Variants in ABCC1 observed in about 807,000 individuals in gnomAD.
ABCC1 encodes the protein ATP binding cassette subfamily C member 1 (ABCC1 blood group), also known as multidrug resistance-associated protein 1.
In ABCC1, 83 loss-of-function variants were observed where a neutral mutation model predicts 172.9. The observed-to-expected ratio is 0.48, with a 90% confidence interval of 0.40 to 0.58. The LOEUF is 0.58. ABCC1 is among the 20% of genes least tolerant of loss of function. ABCC1 has a pLI of 0.00. For synonymous variants in ABCC1, 937 were observed against 825.2 expected (o/e 1.14, Z -2.32); for missense variants, 1,817 against 2,002.7 (o/e 0.91, Z 1.77).
intron 22 of ABCC1, among the ~76,000 whole-genome samples, chr16:16,111,984 C>G (rs1393732734): frequency 3.9e-5 from 6 of 152,200 alleles, no homozygotes; most frequent in African/African-American, 7.2e-5. Context: ...TAGTAATTCC[C>G]AATTATGGGC....
chr16:16,064,563 G>A (rs552685788), intron 12 of ABCC1, among the ~76,000 whole-genome samples: 64 of 152,196 alleles, frequency 4.2e-4, no homozygotes, highest in Non-Finnish European at 8.4e-4. Context: ...GCCAGCAGCC[G>A]GCATCGATTG....
intron 26 of ABCC1, 76 bp downstream of exon 26, chr16:16,125,987 T>G: frequency 9.5e-7 from 1 of 1,048,332 alleles, no homozygotes; most frequent in Non-Finnish European, 1.4e-6. Flanking sequence ...GACCCTATCC[T>G]GTGCACCTCT....
At chr16:16,112,888 G>T (rs1243674312) in intron 22 of ABCC1, among the ~76,000 whole-genome samples, 1 of 152,196 alleles carries the variant, frequency 6.6e-6, no homozygotes, top group African/African-American at 2.4e-5. Flanking sequence ...GAAACTGAGA[G>T]ATTCAGTGAC....
chr16:16,070,402 T>C (rs532050705), intron 13 of ABCC1, among the ~76,000 whole-genome samples: 19 of 149,362 alleles, frequency 1.3e-4, no homozygotes, highest in South Asian at 4.3e-4. Context: ...CAGTGGCTCA[T>C]GCCTGTAATC....
intron 5 of ABCC1, among the ~76,000 whole-genome samples, chr16:16,021,389 A>G (rs1192029160): frequency 1.3e-5 from 2 of 151,858 alleles, no homozygotes; most frequent in Non-Finnish European, 2.9e-5. Context: ...AACCATTTTA[A>G]GTATGCAATT....
intron 27 of ABCC1, among the ~76,000 whole-genome samples, chr16:16,132,525 T>G (rs925347583): frequency 3.8e-5 from 5 of 132,410 alleles, no homozygotes; most frequent in African/African-American, 1.4e-4. Context: ...TTTTTTTTTT[T>G]TTTTTTTTTT....
rs1268103957 is a variant in ABCC1, at chr16:16,052,707, C to T, written c.1381-17C>T. Reference sequence around the variant, plus strand: ...TTCTGTCTGGTGAGTGATGAAGAGTCTCCTTTCCTTCCTTAGAATCTGGGC... The same window carrying T: ...TTCTGTCTGGTGAGTGATGAAGAGTTTCCTTTCCTTCCTTAGAATCTGGGC... On this transcript the variant is annotated splice_polypyrimidine_tract_variant and intron_variant, in intron 10 of 30. Transcript: ENST00000399410. The T allele has an allele frequency of 6.2e-7, 1 of 1,612,938 alleles. No individual in the cohort carries two copies. Among genetic ancestry groups the T allele is most frequent in the East Asian group, 2.2e-5 (1 of 44,864 alleles).
At chr16:16,084,007 T>C (rs1335035551) in intron 17 of ABCC1, among the ~76,000 whole-genome samples, 2 of 152,222 alleles carry the variant, frequency 1.3e-5, no homozygotes, top group Non-Finnish European at 2.9e-5. Flanking sequence ...ATGATTCATA[T>C]GTTCACAGTC....
At chr16:15,980,989 C>T (rs917434148) in intron 1 of ABCC1, among the ~76,000 whole-genome samples, 1 of 152,178 alleles carries the variant, frequency 6.6e-6, no homozygotes, top group Admixed American at 6.5e-5. Flanking sequence ...GAAGGGGCTG[C>T]AGGCCCCATG....
chr16:16,092,131 G>A lies in ABCC1; in HGVS notation c.2644+1543G>A, dbSNP rs147708905. 9.2e-5 allele frequency among the ~76,000 whole-genome samples: 14 copies of A among 152,296 alleles called. No homozygotes were observed. In the East Asian group the frequency reaches 2.5e-3, roughly 27 times the overall value. ...CGCACGCCTATAGGCCCAGCTACTG[G>A]GGAGGCTGAGGCAGGAGAATAGTTT... On this transcript the variant is annotated intron_variant, in intron 19 of 30. Transcript: ENST00000399410.
chr16:16,106,653 C>T lies in ABCC1; in HGVS notation c.2736-85C>T. ...TCCGTCTCTTATGCCATGGTTCAGA[C>T]CCACAATAGCAGTCCCAGCAGGGAG... On this transcript the variant is annotated intron_variant, in intron 20 of 30. Transcript: ENST00000399410. The T allele has an allele frequency of 1.9e-6, 3 of 1,562,454 alleles. No individual in the cohort carries two copies. The South Asian group carries it at 3.4e-5, about 18-fold the overall frequency.
chr16:16,105,695 A>ATTTCTTTTCT (rs757391655), intron 20 of ABCC1, among the ~76,000 whole-genome samples: 1 of 147,928 alleles, frequency 6.8e-6, no homozygotes, highest in South Asian at 2.1e-4. Flanking sequence ...GGTCTCCATA[A>ATTTCTTTTCT]TTTCTTTTCT....
chr16:16,142,480 T>G lies in ABCC1; in HGVS notation c.*1199T>G, dbSNP rs1328829266. The stretch of plus-strand genomic sequence containing the variant: ...CTTGAGTCTTTTCCTTGTTTTTAGA[T>G]GTTAATTCTCTCCCTTGGCATCCGG... On this transcript the variant is annotated 3_prime_UTR_variant, in exon 31 of 31. Transcript: ENST00000399410. 1.3e-5 allele frequency: 2 copies of G among 152,228 alleles called. No individual in the cohort carries two copies. The highest frequency in any genetic ancestry group is 1.5e-5 in the Non-Finnish European group (1 of 68,048). The allele number at this position is 152,228 out of a possible 1,614,324, so 9.4% of individuals were successfully genotyped here.
In ABCC1 at chr16:15,979,034, C is replaced by T. The variant is rs45508193; in HGVS notation, c.49-28782C>T. ...TTGGCCAGGCGTGGTGGCTCACACC[C>T]GTAGTCCCAGCACTTCGGGGGGCCC... On this transcript the variant is annotated intron_variant, in intron 1 of 30. Coordinates refer to ENST00000399410, the MANE Select transcript of ABCC1 (RefSeq NM_004996.4). Among the ~76,000 whole-genome samples the T allele has an allele frequency of 2.0e-4, 30 of 152,130 alleles. 1 individual carries two copies. The highest frequency in any genetic ancestry group is 5.2e-4 in the Admixed American group (8 of 15,302).
In ABCC1 at chr16:15,979,223, G is replaced by A. The variant is rs8062912; in HGVS notation, c.49-28593G>A. ...GGAAAATCACTTTAACCTGGGAGGC[G>A]GAGGTTGCAGTGAGCTGAGATTGCA... is the stretch of plus-strand genomic sequence containing the variant. On this transcript the variant is annotated intron_variant, in intron 1 of 30. Coordinates refer to ENST00000399410, the MANE Select transcript of ABCC1 (RefSeq NM_004996.4). Among the ~76,000 whole-genome samples the A allele has an allele frequency of 3.2e-3, 487 of 152,062 alleles. 6 individuals carry two copies. The highest frequency in any genetic ancestry group is 0.011 in the African/African-American group (471 of 41,460).
chr16:16,076,542 C>A, intron 15 of ABCC1, 141 bp downstream of exon 15: 1 of 762,930 alleles, frequency 1.3e-6, no homozygotes, highest in East Asian at 2.9e-5. Flanking sequence ...GCTTACCCAT[C>A]TGGACAATGG....
chr16:16,068,342 TG>T, intron 13 of ABCC1, 40 bp downstream of exon 13: 2 of 1,608,834 alleles, frequency 1.2e-6, no homozygotes, highest in Non-Finnish European at 8.5e-7. Context: ...GAGGGGGCCT[TG>T]GGGTTCTAGG....
At chr16:16,053,357 G>T (rs1021162559) in intron 11 of ABCC1, among the ~76,000 whole-genome samples, 47 of 152,178 alleles carry the variant, frequency 3.1e-4, no homozygotes, top group African/African-American at 1.1e-3. Flanking sequence ...GGGCTTAAGT[G>T]ATCCTGTTGC....
intron 1 of ABCC1, among the ~76,000 whole-genome samples, chr16:16,006,842 CGTGGTGGTGGCG>C (rs1215411659): frequency 1.2e-5 from 1 of 83,010 alleles, no homozygotes; most frequent in African/African-American, 3.0e-5. Context: ...GGTTGTTATC[CGTGGTGGTGGCG>C]GTGGCGGTGG....
Sources: gnomAD v4.1 joint callset for allele counts (sites outside exome capture counted in the v4.1 genomes callset) on GRCh38, gnomAD v4.1.1 for gene constraint, MANE v1.5 for transcripts, NCBI Gene and HGNC (gene_info 2026-07-23, HGNC 2026-07-21) for gene names.